CCDC142: variants seen among roughly 807,000 people sequenced by gnomAD.
CCDC142 encodes the protein coiled-coil domain containing 142.
CCDC142 carries 67 observed loss-of-function variants against 83.8 expected under a neutral mutation model. That is an observed-to-expected ratio of 0.80 (90% CI 0.66 to 0.98). The LOEUF is 0.98. Among genes scored for constraint, CCDC142 ranks in the 50% least tolerant of loss-of-function variants. The pLI is 0.00. For synonymous variants in CCDC142, 421 were observed against 421.2 expected (o/e 1.00, Z 0.01); for missense variants, 905 against 946.8 (o/e 0.96, Z 0.58).
Position 74,473,990 on chromosome 2 carries a change from T to G in CCDC142, c.*556A>C, listed in dbSNP as rs1397656445. The G allele has an allele frequency of 6.6e-6, 1 of 152,140 alleles. No individual in the cohort carries two copies. Among genetic ancestry groups the G allele is most frequent in the Non-Finnish European group, 1.5e-5 (1 of 68,204 alleles). 9.4% of individuals were successfully genotyped at this position (152,140 alleles called of 1,614,324 possible). A position where few individuals can be genotyped will look rare whatever the true frequency, so the allele number is the denominator to read the frequency against. ...TTTCTCCATGTTGGTCAGGCTGGTC[T>G]GGAACTCCCGACCTCAGGTGATCCG... On this transcript the variant is annotated 3_prime_UTR_variant, in exon 9 of 9. Transcript: ENST00000393965.
rs201348904 is a variant in CCDC142 at position 74,481,542 on chromosome 2, G to A, written c.1022-4C>T. ...TCACACTCCTGAGGCAGGGATGCTA[G>A]TGGGAGAAATGACTCTGGGGCCTGA... On this transcript the variant is annotated splice_polypyrimidine_tract_variant and splice_region_variant and intron_variant, in intron 1 of 8. Transcript: ENST00000393965. 6.2e-7 allele frequency: 1 copy of A among 1,613,954 alleles called. No homozygotes were observed. Among genetic ancestry groups the A allele is most frequent in the Non-Finnish European group, 8.5e-7 (1 of 1,179,830 alleles).
Position 74,481,607 on chromosome 2 carries a change from G to A in CCDC142, c.1022-69C>T, listed in dbSNP as rs1027728086. 2.7e-6 allele frequency: 4 copies of A among 1,478,886 alleles called. No homozygotes were observed. In the African/African-American group the frequency reaches 5.5e-5, roughly 20 times the overall value. 91.6% of individuals were successfully genotyped at this position (1,478,886 alleles called of 1,614,324 possible). A position where few individuals can be genotyped will look rare whatever the true frequency, so the allele number is the denominator to read the frequency against. On this transcript the variant is annotated intron_variant, in intron 1 of 8. Coordinates refer to ENST00000393965, the MANE Select transcript of CCDC142 (RefSeq NM_001365575.2). ...TTTCCACAACCCCTGCCCACTCAAT[G>A]ATGAGGCAAGAAGGCATGCTTCCTC...
chr2:74,478,537 G>A (rs1196971892), intron 5 of CCDC142, among the ~76,000 whole-genome samples: 3 of 151,606 alleles, frequency 2.0e-5, no homozygotes, highest in East Asian at 1.9e-4. Context: ...CCACCATACC[G>A]GCTACTTTTT....
chr2:74,475,773 A>T (rs1286124267), intron 5 of CCDC142, 47 bp from the exon 6 acceptor site: 2 of 1,150,330 alleles, frequency 1.7e-6, no homozygotes, highest in African/African-American at 3.1e-5. Flanking sequence ...AATTATGATG[A>T]TCCTCTATAT....
chr2:74,475,190 A>G, intron 7 of CCDC142, 35 bp downstream of exon 7: 1 of 1,613,722 alleles, frequency 6.2e-7, no homozygotes, highest in South Asian at 1.1e-5. Context: ...TCCCAGTTCC[A>G]TTCACCCCCT....
rs1451036353 is a variant in CCDC142, at chr2:74,474,404, C to T, written c.*142G>A. The T allele has an allele frequency of 1.7e-6, 2 of 1,147,760 alleles. No homozygotes were observed. The highest frequency in any genetic ancestry group is 2.4e-6 in the Non-Finnish European group (2 of 839,058). The allele number at this position is 1,147,760 out of a possible 1,614,324, so 71.1% of individuals were successfully genotyped here. A position where few individuals can be genotyped will look rare whatever the true frequency, so the allele number is the denominator to read the frequency against. ...GCCCCTAATCTTGGATTCTTAAGCCCAGGCTCTTTGTAGCTTATTCTCCAG... is the reference window on the plus strand; with the variant it reads ...GCCCCTAATCTTGGATTCTTAAGCCTAGGCTCTTTGTAGCTTATTCTCCAG... On this transcript the variant is annotated 3_prime_UTR_variant, in exon 9 of 9. Coordinates refer to ENST00000393965, the MANE Select transcript of CCDC142 (RefSeq NM_001365575.2).
chr2:74,481,702 G>C (rs914364833), intron 1 of CCDC142, 115 bp downstream of exon 1: 5 of 1,399,522 alleles, frequency 3.6e-6, no homozygotes, highest in African/African-American at 2.9e-5. Flanking sequence ...CTGAACCCAG[G>C]GGTGTTCTTT....
At chr2:74,475,569 C>T in intron 6 of CCDC142, 43 bp downstream of exon 6, 1 of 1,546,792 alleles carries the variant, frequency 6.5e-7, no homozygotes, top group Non-Finnish European at 8.9e-7. Context: ...GACACTATTA[C>T]CCCCTTGGAA....
In CCDC142 at chr2:74,482,047, A is replaced by G; in HGVS notation, c.791T>C (p.Leu264Pro). ...CCCCTCCTCTTGGCACCGCCTGCGG[A>G]GCTGGTCCCTCAACGCCGATCCTTG... ...ALQGSALRDQ[L>P]RRRCQEEGDL... Residue 264 changes from leucine (L) to proline (P), a missense_variant, in exon 1 of 9, where the codon CTC (leucine) becomes CCC (proline). Leu to Pro is a moderately conservative substitution (Grantham distance 98). This residue lies in a region of CCDC142 where 591 missense variants were observed against 571.4 expected (regional missense o/e 1.03). Transcript: ENST00000393965. The surrounding 1 kb of genome is among the most constrained non-coding windows in gnomAD (Gnocchi z 5.0). 1 of 1,613,522 alleles carries G rather than the reference A, an allele frequency of 6.2e-7. No individual in the cohort carries two copies. Among genetic ancestry groups the G allele is most frequent in the Non-Finnish European group, 8.5e-7 (1 of 1,179,948 alleles).
chr2:74,477,149 G>A (rs979009008), intron 5 of CCDC142, among the ~76,000 whole-genome samples: 2 of 150,616 alleles, frequency 1.3e-5, no homozygotes, highest in East Asian at 3.9e-4. Flanking sequence ...ACCAAGTTTC[G>A]CTCTTATTGC....
At chr2:74,480,590 CAAAA>C (rs374053495) in intron 5 of CCDC142, among the ~76,000 whole-genome samples, 175 bp downstream of exon 5, 8 of 56,090 alleles carry the variant, frequency 1.4e-4, no homozygotes, top group Admixed American at 1.9e-4. Flanking sequence ...GACCCTGTCT[CAAAA>C]AAAAAAAAAA....
In CCDC142 at chr2:74,475,728, T is replaced by C; in HGVS notation, c.1504-2A>G. On this transcript the variant is annotated splice_acceptor_variant, in intron 5 of 8. Transcript: ENST00000393965. LOFTEE classifies it high-confidence loss of function. Reference sequence around the variant, plus strand: ...ACTTAGTGACTCTTCAGGCAGGAGCTGTAGGGATAGGGAGAAAGTAAAAGG... The same window carrying C: ...ACTTAGTGACTCTTCAGGCAGGAGCCGTAGGGATAGGGAGAAAGTAAAAGG... 6.3e-7 allele frequency: 1 copy of C among 1,591,672 alleles called. No individual in the cohort carries two copies. Among genetic ancestry groups the C allele is most frequent in the Non-Finnish European group, 8.6e-7 (1 of 1,159,932 alleles).
At position 74,480,830 on chromosome 2, in the gene CCDC142, A is replaced by C; in HGVS notation, c.1442T>G (p.Leu481Ter). 1 of 1,613,892 alleles carries C rather than the reference A, an allele frequency of 6.2e-7. No homozygotes were observed. Among genetic ancestry groups the C allele is most frequent in the Non-Finnish European group, 8.5e-7 (1 of 1,179,844 alleles). ...ALYSLASEESLALEVEQQLGL... is the reference protein window; with the variant it reads ...ALYSLASEES ...CAGCTGCTGCTCCACTTCCAGAGCT[A>C]AGCTTTCCTCTGAGGCCAGGCTATA... The change falls in exon 5 of 9, where the codon TTA (leucine) becomes TGA (stop). Residue 481 changes from leucine (L) to a stop codon, truncating the protein, a stop_gained. Coordinates refer to ENST00000393965, the MANE Select transcript of CCDC142 (RefSeq NM_001365575.2). LOFTEE classifies it high-confidence loss of function.
rs755716621 is a variant in CCDC142 at position 74,482,425 on chromosome 2, G to T, written c.413C>A (p.Pro138His). 1.3e-5 allele frequency: 21 copies of T among 1,558,612 alleles called. No individual in the cohort carries two copies. The highest frequency in any genetic ancestry group is 1.7e-5 in the Non-Finnish European group (19 of 1,151,364). The change falls in exon 1 of 9, where the codon CCC (proline) becomes CAC (histidine). Residue 138 changes from proline (P) to histidine (H), a missense_variant. Coordinates refer to ENST00000393965, the MANE Select transcript of CCDC142 (RefSeq NM_001365575.2). This position sits in a 1 kb window ranked among gnomAD's most constrained non-coding sequence, Gnocchi z 5.0. ...GSPSGGPSPL[P>H]QWCRDLQLHP... ...CAGCTGCAGGTCGCGGCACCACTGGGGCAAGGGGCTAGGGCCGCCGGATGG... is the reference window on the plus strand; with the variant it reads ...CAGCTGCAGGTCGCGGCACCACTGGTGCAAGGGGCTAGGGCCGCCGGATGG...
At chr2:74,480,078 T>C (rs1421684921) in intron 5 of CCDC142, among the ~76,000 whole-genome samples, 2 of 152,192 alleles carry the variant, frequency 1.3e-5, no homozygotes, top group African/African-American at 2.4e-5. Context: ...AGAATTGAAA[T>C]GTTACCACTT....
chr2:74,473,158 T>A lies in CCDC142; in HGVS notation c.*1388A>T, dbSNP rs1672228585. 4.9e-6 allele frequency: 1 copy of A among 205,524 alleles called. No homozygotes were observed. The highest frequency in any genetic ancestry group is 1.0e-5 in the Non-Finnish European group (1 of 99,030). The allele number at this position is 205,524 out of a possible 1,614,324, so 12.7% of individuals were successfully genotyped here. Reference sequence around the variant, plus strand: ...AATAGCCAAAGCTTAAACGTGAAAGTACTACAGCCCAATATTAGTAAATGA... The same window carrying A: ...AATAGCCAAAGCTTAAACGTGAAAGAACTACAGCCCAATATTAGTAAATGA... On this transcript the variant is annotated 3_prime_UTR_variant, in exon 9 of 9. Transcript: ENST00000393965.
Position 74,482,322 on chromosome 2 carries a change from T to A in CCDC142, c.516A>T (p.Gly172=). The change falls in exon 1 of 9, where the codon GGA becomes GGT. Residue 172 remains glycine (G), a synonymous_variant. Transcript: ENST00000393965. The surrounding 1 kb of genome is among the most constrained non-coding windows in gnomAD (Gnocchi z 5.0). ...CAGCCTCCAGGCACTGGGCGGCTAGTCCGATGGGGCGCGCTAGCAGCAGCG... is the reference window on the plus strand; with the variant it reads ...CAGCCTCCAGGCACTGGGCGGCTAGACCGATGGGGCGCGCTAGCAGCAGCG... ...LEPLLLARPI[G]LAAQCLEAVI... The A allele has an allele frequency of 6.2e-7, 1 of 1,608,994 alleles. No homozygotes were observed. Among genetic ancestry groups the A allele is most frequent in the Non-Finnish European group, 8.5e-7 (1 of 1,178,542 alleles).
Position 74,473,322 on chromosome 2 carries a change from C to T in CCDC142, c.*1224G>A, listed in dbSNP as rs1016760794. 3.3e-5 allele frequency: 5 copies of T among 152,718 alleles called. No individual in the cohort carries two copies. The highest frequency in any genetic ancestry group is 1.2e-4 in the African/African-American group (5 of 41,428). The allele number at this position is 152,718 out of a possible 1,614,324, so 9.5% of individuals were successfully genotyped here. A position where few individuals can be genotyped will look rare whatever the true frequency, so the allele number is the denominator to read the frequency against. The stretch of plus-strand genomic sequence containing the variant: ...GGACTTAAGTTGAAGTGCATTCTAG[C>T]CAGTTTTCTTTTTTTGAGACGAAGT... On this transcript the variant is annotated 3_prime_UTR_variant, in exon 9 of 9. Transcript: ENST00000393965.
Position 74,475,260 on chromosome 2 carries a change from C to T in CCDC142, c.1761G>A (p.Trp587Ter). The T allele has an allele frequency of 6.2e-7, 1 of 1,614,246 alleles. No homozygotes were observed. Among genetic ancestry groups the T allele is most frequent in the South Asian group, 1.1e-5 (1 of 91,090 alleles). The change falls in exon 7 of 9, where the codon TGG (tryptophan) becomes TGA (stop). Residue 587 changes from tryptophan (W) to a stop codon, truncating the protein, a stop_gained. Transcript: ENST00000393965. LOFTEE classifies it high-confidence loss of function. The part of the protein sequence containing the change: ...GQALTAIVGA[W>*]LDHILTHGIR... ...TCCCATGGGTAAGAATGTGGTCAAG[C>T]CAGGCACCCACGATGGCCGTCAGAG... is the stretch of plus-strand genomic sequence containing the variant.
Sources: allele counts gnomAD v4.1 joint callset (sites outside exome capture counted in the v4.1 genomes callset), GRCh38; gene constraint gnomAD v4.1.1; regional missense constraint gnomAD v4.1.1; non-coding constraint Gnocchi (gnomAD v3.1); transcripts MANE v1.5; gene names NCBI Gene and HGNC (gene_info 2026-07-23, HGNC 2026-07-21).